FAM13A: variants seen among roughly 807,000 people sequenced by gnomAD.
The protein encoded by FAM13A is family with sequence similarity 13 member A.
A neutral mutation model predicts 129.6 loss-of-function variants in FAM13A; 76 were observed. The ratio of observed to expected loss-of-function variants is 0.59; its 90% confidence interval spans 0.49 to 0.71. FAM13A has a LOEUF of 0.71. Among genes scored for constraint, FAM13A ranks in the 30% least tolerant of loss-of-function variants. The probability of loss-of-function intolerance (pLI) is 0.00; values close to 1 mark genes in which losing one functional copy is unlikely to be tolerated. For missense variants in FAM13A, 1,108 were observed against 1,249.3 expected (o/e 0.89, Z 1.70); for synonymous variants, 443 against 449.9 (o/e 0.98, Z 0.20).
At chr4:89,053,457 T>G (rs1771848839) in intron 1 of FAM13A, among the ~76,000 whole-genome samples, 2 of 152,154 alleles carry the variant, frequency 1.3e-5, no homozygotes, top group Non-Finnish European at 2.9e-5. Flanking sequence ...TTTAAGTTGA[T>G]TCAATAAATC....
At chr4:88,747,426 G>A (rs1741592727) in intron 18 of FAM13A, among the ~76,000 whole-genome samples, 1 of 152,166 alleles carries the variant, frequency 6.6e-6, no homozygotes, top group Admixed American at 6.5e-5. Flanking sequence ...ATACAATAGA[G>A]TTTTGTTTTC....
intron 2 of FAM13A, among the ~76,000 whole-genome samples, chr4:89,023,610 G>A (rs911686653): frequency 7.2e-5 from 11 of 152,068 alleles, no homozygotes; most frequent in African/African-American, 2.7e-4. Flanking sequence ...AGTCATATAA[G>A]GTACAAATAG....
chr4:89,051,033 G>A (rs888811586), intron 1 of FAM13A, among the ~76,000 whole-genome samples: 2 of 152,168 alleles, frequency 1.3e-5, no homozygotes, highest in Non-Finnish European at 2.9e-5. Context: ...ACTAAATAGA[G>A]AACAAGAGAA....
intron 3 of FAM13A, among the ~76,000 whole-genome samples, chr4:88,993,781 A>C (rs1223467707): frequency 6.6e-6 from 1 of 152,026 alleles, no homozygotes; most frequent in Non-Finnish European, 1.5e-5. Flanking sequence ...TGGGCAGATC[A>C]CCAGGTCAGG....
At chr4:88,949,894 C>T (rs1756650328) in intron 4 of FAM13A, among the ~76,000 whole-genome samples, 1 of 152,152 alleles carries the variant, frequency 6.6e-6, no homozygotes, top group Admixed American at 6.6e-5. Context: ...CACTACAGAA[C>T]ATAAAACGTC....
chr4:88,954,217 C>T (rs1011038140), intron 4 of FAM13A, among the ~76,000 whole-genome samples: 1 of 152,156 alleles, frequency 6.6e-6, no homozygotes, highest in Non-Finnish European at 1.5e-5. Context: ...ATCCAATGAA[C>T]ATTTTCTTCA....
At chr4:88,956,724 A>G (rs963733604) in intron 4 of FAM13A, among the ~76,000 whole-genome samples, 1 of 152,148 alleles carries the variant, frequency 6.6e-6, no homozygotes, top group African/African-American at 2.4e-5. Flanking sequence ...CTAGGGGAGA[A>G]TCTGTTACCC....
chr4:89,031,460 T>C (rs529090197), intron 1 of FAM13A, among the ~76,000 whole-genome samples: 1 of 152,318 alleles, frequency 6.6e-6, no homozygotes, highest in Admixed American at 6.5e-5. Flanking sequence ...ATAACCTCTG[T>C]GTACCTCAAT....
intron 19 of FAM13A, among the ~76,000 whole-genome samples, chr4:88,741,608 T>A (rs1168834765): frequency 1.3e-5 from 2 of 152,194 alleles, no homozygotes; most frequent in African/African-American, 4.8e-5. Flanking sequence ...GACATATGTT[T>A]ATAATTTGGG....
chr4:89,039,988 T>C (rs1368151473), intron 1 of FAM13A, among the ~76,000 whole-genome samples: 5 of 151,662 alleles, frequency 3.3e-5, no homozygotes, highest in African/African-American at 9.7e-5. Flanking sequence ...AAACAGCCAA[T>C]TGTCTCATCA....
intron 6 of FAM13A, among the ~76,000 whole-genome samples, chr4:88,876,058 G>A (rs1001208041): frequency 5.3e-5 from 8 of 152,058 alleles, no homozygotes; most frequent in East Asian, 3.9e-4. Context: ...ACCAAACACC[G>A]CATGTTCTCA....
chr4:88,928,550 AAACCTTCT>A, intron 5 of FAM13A, among the ~76,000 whole-genome samples: 1 of 152,202 alleles, frequency 6.6e-6, no homozygotes, highest in Non-Finnish European at 1.5e-5. Context: ...TCATTACATA[AAACCTTCT>A]TTGTCTTTTA....
intron 10 of FAM13A, among the ~76,000 whole-genome samples, chr4:88,784,150 C>T (rs557651235): frequency 7.2e-5 from 11 of 152,254 alleles, no homozygotes; most frequent in Non-Finnish European, 1.0e-4. Flanking sequence ...TGGACAAATC[C>T]TGTCTCCTCC....
chr4:89,004,071 C>T (rs1178788861), intron 3 of FAM13A, among the ~76,000 whole-genome samples: 1 of 152,088 alleles, frequency 6.6e-6, no homozygotes, highest in Non-Finnish European at 1.5e-5. Flanking sequence ...AATCCTCCTA[C>T]CTTGGCATCG....
In FAM13A at chr4:89,031,483, A is replaced by G. The variant is rs2149133544; in HGVS notation, c.28-1834T>C. Among the ~76,000 whole-genome samples, 3 of 152,306 alleles carry G rather than the reference A, an allele frequency of 2.0e-5. No homozygotes were observed. The South Asian group carries it at 6.2e-4, about 32-fold the overall frequency. On this transcript the variant is annotated intron_variant, in intron 1 of 23. Coordinates refer to ENST00000264344, the MANE Select transcript of FAM13A (RefSeq NM_014883.4). ...TGTGTACCTCAATTTCCTCATCTAT[A>G]AAATGGGAATACCAAGAGTTTGTAT...
At chr4:88,917,053 C>A (rs557156150) in intron 5 of FAM13A, among the ~76,000 whole-genome samples, 1 of 152,292 alleles carries the variant, frequency 6.6e-6, no homozygotes, top group African/African-American at 2.4e-5. Flanking sequence ...GACTCCTCTA[C>A]TTCAGTTTAT....
rs1479002897 is a variant in FAM13A, at chr4:89,018,515, T to C, written c.427+1945A>G. ...CAATTTGGGGTTGAGGCCTCAAAGA[T>C]AAAAATAAAGGTTGTGATGGGCCCA... is the stretch of plus-strand genomic sequence containing the variant. On this transcript the variant is annotated intron_variant, in intron 3 of 23. Coordinates refer to ENST00000264344, the MANE Select transcript of FAM13A (RefSeq NM_014883.4). Among the ~76,000 whole-genome samples, 3 of 152,130 alleles carry C rather than the reference T, an allele frequency of 2.0e-5. No homozygotes were observed. The East Asian group carries it at 5.8e-4, about 29-fold the overall frequency.
intron 7 of FAM13A, among the ~76,000 whole-genome samples, chr4:88,827,863 A>G (rs72872106): frequency 0.014 from 2,172 of 152,306 alleles, 66 homozygotes; most frequent in African/African-American, 0.05. Flanking sequence ...ATAGCTCCCA[A>G]CTACCTCTTA....
chr4:89,052,762 T>G (rs1771774481), intron 1 of FAM13A, among the ~76,000 whole-genome samples: 1 of 152,106 alleles, frequency 6.6e-6, no homozygotes, highest in Non-Finnish European at 1.5e-5. Context: ...TTTAATAGTA[T>G]CGATAGGCTG....
Sources: allele counts gnomAD v4.1 joint callset (sites outside exome capture counted in the v4.1 genomes callset), GRCh38; gene constraint gnomAD v4.1.1; transcripts MANE v1.5; gene names NCBI Gene and HGNC (gene_info 2026-07-23, HGNC 2026-07-21).